Variants in ALK observed in about 807,000 individuals in gnomAD.
ALK encodes ALK tyrosine kinase receptor.
In ALK, 74 loss-of-function variants were observed where a neutral mutation model predicts 163.1. That is an observed-to-expected ratio of 0.45 (90% CI 0.38 to 0.55). The LOEUF (loss-of-function observed/expected upper bound fraction) is 0.55, where lower values mean the gene tolerates loss of function less well. ALK is among the 20% of genes least tolerant of loss of function. ALK has a pLI of 0.00. For synonymous variants in ALK, 960 were observed against 843.2 expected, an observed-to-expected ratio of 1.14 and a Z score of -2.40; for missense variants, 2,063 against 2,105.3, an observed-to-expected ratio of 0.98 and a Z score of 0.39.
At chr2:29,886,038 C>G (rs1302164582) in intron 1 of ALK, among the ~76,000 whole-genome samples, 1 of 152,108 alleles carries the variant, frequency 6.6e-6, no homozygotes, top group Non-Finnish European at 1.5e-5. Flanking sequence ...CACCCTTTTC[C>G]TCCTCCTCCT....
chr2:29,345,457 A>AAAAT (rs1414190399), intron 5 of ALK, among the ~76,000 whole-genome samples: 1 of 150,354 alleles, frequency 6.7e-6, no homozygotes, highest in East Asian at 1.9e-4. Context: ...TAAATAAATA[A>AAAAT]AAATAATACT....
intron 4 of ALK, among the ~76,000 whole-genome samples, chr2:29,419,014 A>G (rs1669951014): frequency 6.6e-6 from 1 of 151,396 alleles, no homozygotes; most frequent in Non-Finnish European, 1.5e-5. Flanking sequence ...ATAATCCTAT[A>G]TTCTTGTGCG....
At chr2:29,581,186 G>A (rs140633135) in intron 3 of ALK, among the ~76,000 whole-genome samples, 72 of 152,186 alleles carry the variant, frequency 4.7e-4, no homozygotes, top group African/African-American at 1.6e-3. Context: ...TCAAGAGATC[G>A]AGACCATCCT....
chr2:29,904,967 T>C (rs1000412161), intron 1 of ALK, among the ~76,000 whole-genome samples: 3 of 152,206 alleles, frequency 2.0e-5, no homozygotes, highest in Non-Finnish European at 4.4e-5. Context: ...CTCCTTCTGT[T>C]TTAACAGTAA....
chr2:29,398,074 C>T (rs1348882856), intron 4 of ALK, among the ~76,000 whole-genome samples: 2 of 152,088 alleles, frequency 1.3e-5, no homozygotes, highest in South Asian at 2.1e-4. Context: ...AAAATTGTGA[C>T]CTGGAACTTT....
chr2:29,239,580 A>G, intron 13 of ALK, 100 bp downstream of exon 13: 1 of 1,426,150 alleles, frequency 7.0e-7, no homozygotes, highest in East Asian at 2.3e-5. Context: ...TTCTCCTGGT[A>G]TGAACTTCCA....
At chr2:29,651,940 A>G (rs186487769) in intron 3 of ALK, among the ~76,000 whole-genome samples, 1 of 152,274 alleles carries the variant, frequency 6.6e-6, no homozygotes, top group East Asian at 1.9e-4. Flanking sequence ...GGAACAGCCT[A>G]TAGGCCTCGA....
intron 4 of ALK, among the ~76,000 whole-genome samples, chr2:29,386,378 C>T (rs1348628151): frequency 3.3e-5 from 5 of 152,046 alleles, no homozygotes; most frequent in Non-Finnish European, 5.9e-5. Flanking sequence ...GGAGGGCTTT[C>T]GGTTTAAATG....
In ALK at chr2:29,287,980, C is replaced by T. The variant is rs575572466; in HGVS notation, c.1817+8908G>A. Among the ~76,000 whole-genome samples the T allele has an allele frequency of 7.2e-5, 11 of 151,900 alleles. No homozygotes were observed. In the East Asian group the frequency reaches 2.1e-3, roughly 30 times the overall value. ...AGGTAGTGTCACCCCCTCTCACATACATGTGGCACATACCTAGGTACTCAG... is the reference window on the plus strand; with the variant it reads ...AGGTAGTGTCACCCCCTCTCACATATATGTGGCACATACCTAGGTACTCAG... On this transcript the variant is annotated intron_variant, in intron 9 of 28. Coordinates refer to ENST00000389048, the MANE Select transcript of ALK (RefSeq NM_004304.5).
At chr2:29,647,370 G>A (rs1158737628) in intron 3 of ALK, among the ~76,000 whole-genome samples, 1 of 151,962 alleles carries the variant, frequency 6.6e-6, no homozygotes, top group African/African-American at 2.4e-5. Flanking sequence ...TACTGTCCTG[G>A]GCCAGGCCCA....
At chr2:29,354,852 C>A (rs1330572003) in intron 5 of ALK, among the ~76,000 whole-genome samples, 1 of 151,598 alleles carries the variant, frequency 6.6e-6, no homozygotes, top group Non-Finnish European at 1.5e-5. Flanking sequence ...CTGCAAGCTC[C>A]ACCTCCCAGG....
At chr2:29,652,160 A>AT (rs1169387345) in intron 3 of ALK, among the ~76,000 whole-genome samples, 5 of 152,054 alleles carry the variant, frequency 3.3e-5, no homozygotes, top group South Asian at 2.1e-4. Flanking sequence ...TTTCATCTAT[A>AT]TTTTTTTAAA....
chr2:29,536,511 C>T (rs4665466), intron 3 of ALK, among the ~76,000 whole-genome samples: 1 of 152,094 alleles, frequency 6.6e-6, no homozygotes, highest in Admixed American at 6.5e-5. Context: ...CCAATTAAAT[C>T]TCTTTTCTTT....
intron 24 of ALK, among the ~76,000 whole-genome samples, chr2:29,212,109 T>TA (rs939057512): frequency 6.6e-6 from 1 of 151,872 alleles, no homozygotes; most frequent in African/African-American, 2.4e-5. Flanking sequence ...TGGGCAGAGA[T>TA]AAAAAACAAA....
At chr2:29,275,948 G>C (rs145844762) in intron 9 of ALK, among the ~76,000 whole-genome samples, 1 of 152,158 alleles carries the variant, frequency 6.6e-6, no homozygotes, top group South Asian at 2.1e-4. Context: ...GGAGAAATGG[G>C]TAGGTCTGAC....
chr2:29,371,412 T>C (rs1668634434), intron 5 of ALK, among the ~76,000 whole-genome samples: 1 of 152,232 alleles, frequency 6.6e-6, no homozygotes, highest in Non-Finnish European at 1.5e-5. Context: ...GACTTCAGCG[T>C]GAGCTTCCCA....
At chr2:29,628,871 T>C (rs1676275441) in intron 3 of ALK, among the ~76,000 whole-genome samples, 1 of 152,206 alleles carries the variant, frequency 6.6e-6, no homozygotes, top group South Asian at 2.1e-4. Flanking sequence ...AGATTTAGCA[T>C]GTTCAAGACT....
intron 5 of ALK, among the ~76,000 whole-genome samples, chr2:29,354,265 C>G (rs1239150348): frequency 6.6e-6 from 1 of 152,206 alleles, no homozygotes; most frequent in Non-Finnish European, 1.5e-5. Flanking sequence ...GCCCTGTGGT[C>G]TCTGCGCTGC....
At chr2:29,312,403 G>GT (rs1666720679) in intron 8 of ALK, among the ~76,000 whole-genome samples, 2 of 151,980 alleles carry the variant, frequency 1.3e-5, no homozygotes, top group Admixed American at 1.3e-4. Context: ...AAGTGGGGGG[G>GT]CTTCCTCCAA....
Sources: gnomAD v4.1 joint callset for allele counts (sites outside exome capture counted in the v4.1 genomes callset) on GRCh38, gnomAD v4.1.1 for gene constraint, MANE v1.5 for transcripts, NCBI Gene and HGNC (gene_info 2026-07-23, HGNC 2026-07-21) for gene names.